MYO10: variants seen among roughly 807,000 people sequenced by gnomAD.
MYO10 encodes unconventional myosin-X.
A neutral mutation model predicts 257.3 loss-of-function variants in MYO10; 133 were observed. The ratio of observed to expected loss-of-function variants is 0.52; its 90% CI spans 0.45 to 0.60. The LOEUF (loss-of-function observed/expected upper bound fraction) is 0.60. Among genes scored for constraint, MYO10 ranks in the 20% least tolerant of loss-of-function variants. The probability of loss-of-function intolerance (pLI) is 0.00; values close to 1 mark genes in which losing one functional copy is unlikely to be tolerated. For missense variants in MYO10, 2,399 were observed against 2,635.7 expected (o/e 0.91, Z 1.97); for synonymous variants, 1,104 against 1,028.6 (o/e 1.07, Z -1.40).
intron 9 of MYO10, among the ~76,000 whole-genome samples, chr5:16,772,901 C>A (rs918066485): frequency 2.0e-5 from 3 of 152,142 alleles, no homozygotes; most frequent in African/African-American, 7.2e-5. Context: ...TCAGTAGTTT[C>A]CTAGGGCCAG....
chr5:16,691,269 C>CA (rs35469219), intron 27 of MYO10, among the ~76,000 whole-genome samples: 3,155 of 105,580 alleles, frequency 0.03, 132 homozygotes, highest in African/African-American at 0.096. Flanking sequence ...GACTCCGTCT[C>CA]AAAAAAAAAA....
rs148197504 is a variant in MYO10 at position 16,893,932 on chromosome 5, G to A, written c.22-16225C>T. ...GCAGCGAGGAGTGAGGGTACCCAGA[G>A]TGTGTGACAAGCCAGCCAGGCAGTG... On this transcript the variant is annotated intron_variant, in intron 1 of 40. Transcript: ENST00000513610. Among the ~76,000 whole-genome samples, 51 of 152,264 alleles carry A rather than the reference G, an allele frequency of 3.3e-4. 1 individual carries two copies. Among genetic ancestry groups the A allele is most frequent in the African/African-American group, 1.2e-3 (51 of 41,558 alleles).
chr5:16,744,339 TAC>T (rs1180671791), intron 19 of MYO10, among the ~76,000 whole-genome samples: 1 of 152,268 alleles, frequency 6.6e-6, no homozygotes, highest in African/African-American at 2.4e-5. Flanking sequence ...GTACTGTCAA[TAC>T]ACACACGTTA....
In MYO10 at chr5:16,766,154, G is replaced by C. The variant is rs770742187; in HGVS notation, c.1105C>G (p.Leu369Val). ...GATCTCTGGGTCAAAGCATCTGTGA[G>C]CTGTGTTGGGTCCAGCCCAAGTAAC... ...AELLGLDPTQ[L>V]TDALTQRSMF... Residue 369 changes from leucine (L) to valine (V), a missense_variant, in exon 11 of 41, where the codon CTC becomes GTC. Around this residue, in one of 3 missense-constraint regions of MYO10, gnomAD observed 337 missense variants for 446.8 expected, o/e 0.75. Transcript: ENST00000513610. 5 of 1,613,892 alleles carry C rather than the reference G, an allele frequency of 3.1e-6. No individual in the cohort carries two copies. Among genetic ancestry groups the C allele is most frequent in the Non-Finnish European group, 4.2e-6 (5 of 1,179,834 alleles).
intron 30 of MYO10, among the ~76,000 whole-genome samples, chr5:16,683,458 T>TAATAC (rs1168307896): frequency 3.3e-5 from 5 of 152,216 alleles, no homozygotes; most frequent in Non-Finnish European, 5.9e-5. Context: ...TGTGGTTTAT[T>TAATAC]AATACTCTAC....
At chr5:16,709,443 C>T (rs898236522) in intron 21 of MYO10, among the ~76,000 whole-genome samples, 2 of 152,174 alleles carry the variant, frequency 1.3e-5, no homozygotes, top group Non-Finnish European at 2.9e-5. Flanking sequence ...TACAACCCTA[C>T]GCTGGAGCAT....
intron 1 of MYO10, chr5:16,902,149 G>A (rs981368830): frequency 5.1e-5 from 29 of 566,852 alleles, no homozygotes; most frequent in African/African-American, 3.2e-4. Flanking sequence ...AGATTCAAGT[G>A]ATTCTCCTGC....
chr5:16,893,026 T>C (rs979012657), intron 1 of MYO10, among the ~76,000 whole-genome samples: 3 of 151,536 alleles, frequency 2.0e-5, no homozygotes, highest in Non-Finnish European at 4.4e-5. Flanking sequence ...AAGCCCCATC[T>C]CTACTAAAAA....
intron 17 of MYO10, among the ~76,000 whole-genome samples, chr5:16,758,926 T>A (rs986905540): frequency 1.4e-5 from 2 of 141,172 alleles, no homozygotes; most frequent in African/African-American, 5.1e-5. Context: ...AGCTTCCCAA[T>A]AATTTTTTTT....
intron 1 of MYO10, among the ~76,000 whole-genome samples, chr5:16,906,967 A>G (rs1027844824): frequency 2.0e-5 from 3 of 152,066 alleles, no homozygotes; most frequent in African/African-American, 7.2e-5. Context: ...CAAAAAAATT[A>G]GCCAGGCATG....
intron 16 of MYO10, 131 bp from the exon 17 acceptor site, chr5:16,761,677 G>A (rs1310077578): frequency 1.4e-6 from 1 of 724,520 alleles, no homozygotes; most frequent in Non-Finnish European, 2.3e-6. Flanking sequence ...AAGAGACAGG[G>A]TCTTGCTCTA....
chr5:16,821,443 C>CTTTTTTTT lies in MYO10; in HGVS notation c.121-3284_121-3277dup, dbSNP rs571931909. 4.7e-4 allele frequency among the ~76,000 whole-genome samples: 33 copies of CTTTTTTTT among 70,260 alleles called. 1 individual carries two copies. Among genetic ancestry groups the CTTTTTTTT allele is most frequent in the East Asian group, 1.4e-3 (3 of 2,072 alleles). 46.1% of individuals were successfully genotyped at this position (70,260 alleles called of 152,430 possible). A position where few individuals can be genotyped will look rare whatever the true frequency, so the allele number is the denominator to read the frequency against. On this transcript the variant is annotated intron_variant, in intron 2 of 40. Transcript: ENST00000513610. Reference sequence around the variant, plus strand: ...ATTTGACTTCCTTTCCTCCTATTTTCTTTTTTTTTTTTTTTTTTTTTTTTT... The same window carrying CTTTTTTTT: ...ATTTGACTTCCTTTCCTCCTATTTTCTTTTTTTTTTTTTTTTTTTTTTTTTTTTTTTTT...
At chr5:16,874,507 T>C (rs902320202) in intron 2 of MYO10, among the ~76,000 whole-genome samples, 6 of 152,108 alleles carry the variant, frequency 3.9e-5, no homozygotes, top group African/African-American at 1.4e-4. Context: ...CCCTAAATCA[T>C]CTCTCTCAAG....
At chr5:16,819,732 A>T (rs936449014) in intron 2 of MYO10, among the ~76,000 whole-genome samples, 4 of 152,218 alleles carry the variant, frequency 2.6e-5, no homozygotes, top group Admixed American at 2.6e-4. Flanking sequence ...AACAAATGGT[A>T]TGTTATTGCA....
chr5:16,893,210 A>AG (rs1490610331), intron 1 of MYO10, among the ~76,000 whole-genome samples: 1 of 150,204 alleles, frequency 6.7e-6, no homozygotes, highest in East Asian at 1.9e-4. Flanking sequence ...AAAAAAAAAA[A>AG]AAAAAGAACT....
At chr5:16,929,101 C>T (rs868446891) in intron 1 of MYO10, among the ~76,000 whole-genome samples, 2 of 151,520 alleles carry the variant, frequency 1.3e-5, no homozygotes, top group African/African-American at 4.8e-5. Context: ...TACAGGTGCC[C>T]GCCACCATGC....
Position 16,764,382 on chromosome 5 carries a change from C to T in MYO10, c.1194G>A (p.Arg398=). 1 of 1,613,856 alleles carries T rather than the reference C, an allele frequency of 6.2e-7. No homozygotes were observed. Among genetic ancestry groups the T allele is most frequent in the Non-Finnish European group, 8.5e-7 (1 of 1,179,852 alleles). Residue 398 remains arginine, a synonymous_variant, in exon 12 of 41, where the codon AGG becomes AGA. Coordinates refer to ENST00000513610, the MANE Select transcript of MYO10 (RefSeq NM_012334.3). Reference sequence around the variant, plus strand: ...CATACAGAGCCATGGCCAGGGAGTCCCTGCTGTCTACTGCCTGTGGGAGAG... The same window carrying T: ...CATACAGAGCCATGGCCAGGGAGTCTCTGCTGTCTACTGCCTGTGGGAGAG... The part of the protein sequence containing the change: ...PLNVQQAVDS[R]DSLAMALYAC...
intron 2 of MYO10, among the ~76,000 whole-genome samples, chr5:16,861,529 G>A (rs1426842329): frequency 3.9e-5 from 6 of 152,040 alleles, no homozygotes; most frequent in Non-Finnish European, 5.9e-5. Context: ...CTGAGATCGC[G>A]CCATGGCACT....
chr5:16,671,353 A>G, intron 38 of MYO10, 69 bp downstream of exon 38: 2 of 1,558,212 alleles, frequency 1.3e-6, no homozygotes, highest in South Asian at 1.2e-5. Context: ...TTAACTTACA[A>G]GGCTAAGTAT....
Sources: gnomAD v4.1 joint callset for allele counts (sites outside exome capture counted in the v4.1 genomes callset) on GRCh38, gnomAD v4.1.1 for gene constraint, gnomAD v4.1.1 regional missense constraint, MANE v1.5 for transcripts, NCBI Gene and HGNC (gene_info 2026-07-23, HGNC 2026-07-21) for gene names.